The following PRSS38 variants were observed in gnomAD, a reference collection of about 807,000 sequenced individuals.
PRSS38 encodes the protein marapsin 2.
In PRSS38, 22 loss-of-function variants were observed where a neutral mutation model predicts 26.8. That is an observed-to-expected ratio of 0.82 (90% CI 0.59 to 1.17). PRSS38 has a LOEUF of 1.17. Ranked by LOEUF, PRSS38 falls within the 50% of genes most tolerant of loss-of-function variation. The pLI, the probability that PRSS38 is intolerant of heterozygous loss-of-function variation, is 0.00. For synonymous variants in PRSS38, 175 were observed against 172.1 expected, an observed-to-expected ratio of 1.02 and a Z score of -0.13; for missense variants, 427 against 422.7, an observed-to-expected ratio of 1.01 and a Z score of -0.09.
At chr1:227,822,511 C>T (rs1231340086) in intron 3 of PRSS38, among the ~76,000 whole-genome samples, 1 of 152,146 alleles carries the variant, frequency 6.6e-6, no homozygotes, top group African/African-American at 2.4e-5. Flanking sequence ...ATAAGATTCT[C>T]TCCAACCCCA....
At position 227,837,867 on chromosome 1, in the gene PRSS38, G is replaced by A. The variant is rs1000909959; in HGVS notation, c.584-7603G>A. ...ATATTCTGGATACATGTACTTCAAC[G>A]TGTATTGCAAATATTTTCTACCGCA... On this transcript the variant is annotated intron_variant, in intron 3 of 4. Transcript: ENST00000366757. Among the ~76,000 whole-genome samples the A allele has an allele frequency of 2.0e-5, 3 of 152,238 alleles. No homozygotes were observed. In the South Asian group the frequency reaches 6.2e-4, roughly 32 times the overall value.
intron 3 of PRSS38, among the ~76,000 whole-genome samples, chr1:227,831,655 A>T (rs1665155256): frequency 6.6e-6 from 1 of 152,186 alleles, no homozygotes; most frequent in Admixed American, 6.5e-5. Context: ...GATTGAGACC[A>T]CCCTGGCTAA....
rs1164313125 is a variant in PRSS38 at position 227,816,683 on chromosome 1, G to T, written c.311+431G>T. Among the ~76,000 whole-genome samples, 3 of 151,850 alleles carry T rather than the reference G, an allele frequency of 2.0e-5. No homozygotes were observed. The highest frequency in any genetic ancestry group is 7.3e-5 in the African/African-American group (3 of 41,340). Reference sequence around the variant, plus strand: ...GCACAGCCAGATTCCCACAAGTGAGGCTGGTCCTCAAGGGCACAGCCAGAT... The same window carrying T: ...GCACAGCCAGATTCCCACAAGTGAGTCTGGTCCTCAAGGGCACAGCCAGAT... On this transcript the variant is annotated intron_variant, in intron 2 of 4. Transcript: ENST00000366757. The surrounding 1 kb of genome is among the most constrained non-coding windows in gnomAD (Gnocchi z 5.1).
chr1:227,816,493 C>G lies in PRSS38; in HGVS notation c.311+241C>G, dbSNP rs894953390. 8.6e-5 allele frequency among the ~76,000 whole-genome samples: 13 copies of G among 151,546 alleles called. No homozygotes were observed. Among genetic ancestry groups the G allele is most frequent in the Non-Finnish European group, 1.8e-4 (12 of 67,826 alleles). Reference sequence around the variant, plus strand: ...CAGGTCCTCAAGAGTGATGCTGGTCCCCAAGATCACAGCCAGGTCCTCATA... The same window carrying G: ...CAGGTCCTCAAGAGTGATGCTGGTCGCCAAGATCACAGCCAGGTCCTCATA... On this transcript the variant is annotated intron_variant, in intron 2 of 4. Coordinates refer to ENST00000366757, the Ensembl canonical transcript of PRSS38. This position sits in a 1 kb window ranked among gnomAD's most constrained non-coding sequence, Gnocchi z 5.1.
At chr1:227,836,686 CAAA>C (rs1293513218) in intron 3 of PRSS38, among the ~76,000 whole-genome samples, 1 of 133,190 alleles carries the variant, frequency 7.5e-6, no homozygotes, top group Admixed American at 7.7e-5. Flanking sequence ...GACTCCGTCT[CAAA>C]AAAAAAAAAA....
At chr1:227,841,937 T>C (rs988999842) in intron 3 of PRSS38, among the ~76,000 whole-genome samples, 6 of 152,136 alleles carry the variant, frequency 3.9e-5, no homozygotes, top group African/African-American at 1.4e-4. Flanking sequence ...CTTCAGGGCC[T>C]CAGGCTGCTT....
In PRSS38 at chr1:227,816,391, GGTCCCCACCAGTGAGGCT is replaced by G. The variant is rs1201641382; in HGVS notation, c.311+141_311+158del. 5.0e-5 allele frequency: 45 copies of G among 898,920 alleles called. No individual in the cohort carries two copies. In the African/African-American group the frequency reaches 6.5e-4, roughly 13 times the overall value. 55.7% of individuals were successfully genotyped at this position (898,920 alleles called of 1,614,324 possible). On this transcript the variant is annotated intron_variant, in intron 2 of 4. Transcript: ENST00000366757. This position sits in a 1 kb window ranked among gnomAD's most constrained non-coding sequence, Gnocchi z 5.1. ...ACCACTGTCGACCCGCGCAAGGCCA[GGTCCCCACCAGTGAGGCT>G]GGTCCCCAAACACACAGCTGGGTCC...
At chr1:227,828,388 T>C (rs557930494) in intron 3 of PRSS38, among the ~76,000 whole-genome samples, 3 of 152,174 alleles carry the variant, frequency 2.0e-5, no homozygotes, top group Admixed American at 6.5e-5. Context: ...TGGGTGCATA[T>C]ATATTTAGGA....
chr1:227,842,255 T>C (rs927601489), intron 3 of PRSS38, among the ~76,000 whole-genome samples: 2 of 152,158 alleles, frequency 1.3e-5, no homozygotes, highest in African/African-American at 4.8e-5. Flanking sequence ...CCAAGTCATA[T>C]CCATGCTTCA....
rs1664914868 is a variant in PRSS38, at chr1:227,816,280, T to A, written c.311+28T>A. ...AAGCGGGCGCCGGCCTGGGATGGTGTGGGTAGCTGGGCCTGCACGGAGTGC... is the reference window on the plus strand; with the variant it reads ...AAGCGGGCGCCGGCCTGGGATGGTGAGGGTAGCTGGGCCTGCACGGAGTGC... On this transcript the variant is annotated intron_variant, in intron 2 of 4. Transcript: ENST00000366757. This position sits in a 1 kb window ranked among gnomAD's most constrained non-coding sequence, Gnocchi z 5.1. 1 of 1,597,516 alleles carries A rather than the reference T, an allele frequency of 6.3e-7. No individual in the cohort carries two copies. The highest frequency in any genetic ancestry group is 8.6e-7 in the Non-Finnish European group (1 of 1,168,382).
At chr1:227,841,419 G>A (rs1035707375) in intron 3 of PRSS38, among the ~76,000 whole-genome samples, 1 of 152,246 alleles carries the variant, frequency 6.6e-6, no homozygotes, top group African/African-American at 2.4e-5. Context: ...GAGAGGAACC[G>A]CAAGACATAT....
Position 227,817,198 on chromosome 1 carries a change from C to A in PRSS38, c.312-11C>A. 6.2e-7 allele frequency: 1 copy of A among 1,609,860 alleles called. No individual in the cohort carries two copies. The highest frequency in any genetic ancestry group is 1.1e-5 in the South Asian group (1 of 90,818). ...GCTGCGGGCATTGTACCTCTGTTCT[C>A]ACCCCCACAGGGACAAGAATATCAA... On this transcript the variant is annotated splice_polypyrimidine_tract_variant and intron_variant, in intron 2 of 4. Coordinates refer to ENST00000366757, the Ensembl canonical transcript of PRSS38.
At chr1:227,839,450 AG>A (rs2102684395) in intron 3 of PRSS38, among the ~76,000 whole-genome samples, 2 of 152,036 alleles carry the variant, frequency 1.3e-5, no homozygotes, top group African/African-American at 4.8e-5. Context: ...AGCCTGTAAC[AG>A]GGCAAGAGCC....
chr1:227,818,552 C>T (rs1211037466), intron 3 of PRSS38, among the ~76,000 whole-genome samples: 3 of 151,962 alleles, frequency 2.0e-5, no homozygotes, highest in South Asian at 4.2e-4. Context: ...ACGGCATGTG[C>T]CTGTAGTCCC....
At chr1:227,827,339 A>G (rs1665088282) in intron 3 of PRSS38, among the ~76,000 whole-genome samples, 1 of 152,080 alleles carries the variant, frequency 6.6e-6, no homozygotes. Context: ...TAGGCTATTT[A>G]TTACTGCTTC....
In PRSS38 at chr1:227,845,621, C is replaced by T. The variant is rs1665417486; in HGVS notation, c.726+9C>T. ...CTAAGACCGTGTGTGAGGTGTGCCC[C>T]TCCTGGTCCATGAGACAGAGGTCAT... is the stretch of plus-strand genomic sequence containing the variant. On this transcript the variant is annotated intron_variant, in intron 4 of 4. Coordinates refer to ENST00000366757, the Ensembl canonical transcript of PRSS38. 2 of 1,611,622 alleles carry T rather than the reference C, an allele frequency of 1.2e-6. No homozygotes were observed. The highest frequency in any genetic ancestry group is 1.7e-6 in the Non-Finnish European group (2 of 1,178,384).
chr1:227,846,258 C>A (rs1665429798), exon 5 of PRSS38: 1 of 1,590,396 alleles, frequency 6.3e-7, no homozygotes, highest in Non-Finnish European at 8.5e-7. Context: ...CCTGCCCCAG[C>A]CCAGCTGCCT....
intron 3 of PRSS38, among the ~76,000 whole-genome samples, chr1:227,824,474 G>T (rs1665044010): frequency 6.6e-6 from 1 of 152,062 alleles, no homozygotes; most frequent in Non-Finnish European, 1.5e-5. Flanking sequence ...TATCATTGAT[G>T]GGTATCTAGC....
exon 3 of PRSS38, chr1:227,817,293 G>A (rs2102671450): frequency 6.2e-7 from 1 of 1,614,174 alleles, no homozygotes; most frequent in East Asian, 2.2e-5. Context: ...GGTATGAGGT[G>A]AACAGGGTGA....
Sources: allele counts gnomAD v4.1 joint callset (sites outside exome capture counted in the v4.1 genomes callset), GRCh38; gene constraint gnomAD v4.1.1; non-coding constraint Gnocchi (gnomAD v3.1); transcripts MANE v1.5; gene names NCBI Gene and HGNC (gene_info 2026-07-23, HGNC 2026-07-21).